PLCL1: variants seen among roughly 807,000 people sequenced by gnomAD.
PLCL1 encodes the protein inactive phospholipase C-like protein 1.
PLCL1 carries 41 observed loss-of-function variants against 84.4 expected under a neutral mutation model. The ratio of observed to expected loss-of-function variants is 0.49; its 90% CI spans 0.38 to 0.63. The LOEUF is 0.63. Ranked by LOEUF, PLCL1 falls within the 30% of genes least tolerant of loss-of-function variation. PLCL1 has a pLI of 0.00. For synonymous variants in PLCL1, 490 were observed against 488.3 expected (o/e 1.00, Z -0.05); for missense variants, 1,206 against 1,367.8 (o/e 0.88, Z 1.87).
At chr2:198,016,725 T>A (rs1014412557) in intron 1 of PLCL1, among the ~76,000 whole-genome samples, 3 of 152,256 alleles carry the variant, frequency 2.0e-5, no homozygotes, top group African/African-American at 7.2e-5. Flanking sequence ...GGCTCAACTT[T>A]GAACGAACTT....
Position 198,101,674 on chromosome 2 carries a change from A to G in PLCL1, c.2995+314A>G, listed in dbSNP as rs183535333. 3.2e-4 allele frequency among the ~76,000 whole-genome samples: 49 copies of G among 152,134 alleles called. No individual in the cohort carries two copies. The South Asian group carries it at 4.8e-3, about 15-fold the overall frequency. On this transcript the variant is annotated intron_variant, in intron 4 of 5. Transcript: ENST00000428675. ...CAAAACCTTCTACTGCTGGTATTGA[A>G]GCTATGGTTCCATACAGTCCCTTAA...
chr2:197,957,042 T>C (rs544167807), intron 1 of PLCL1, among the ~76,000 whole-genome samples: 7 of 152,228 alleles, frequency 4.6e-5, no homozygotes, highest in African/African-American at 9.6e-5. Flanking sequence ...TTTCCCTTCA[T>C]AGGCATTTGC....
intron 1 of PLCL1, among the ~76,000 whole-genome samples, chr2:197,968,939 G>A (rs1336168887): frequency 6.6e-6 from 1 of 152,156 alleles, no homozygotes; most frequent in Non-Finnish European, 1.5e-5. Flanking sequence ...CCCAGACCAC[G>A]GTCTGGTTAG....
At chr2:198,132,597 G>C (rs753715001) in intron 5 of PLCL1, among the ~76,000 whole-genome samples, 3 of 152,120 alleles carry the variant, frequency 2.0e-5, no homozygotes, top group Non-Finnish European at 4.4e-5. Flanking sequence ...AATCTGGATA[G>C]GAAGGATTAG....
intron 1 of PLCL1, among the ~76,000 whole-genome samples, chr2:197,812,163 G>A (rs1275269457): frequency 6.6e-6 from 1 of 152,216 alleles, no homozygotes; most frequent in Non-Finnish European, 1.5e-5. Context: ...TCTTATGGCT[G>A]TGTAGTATTC....
rs775104166 is a variant in PLCL1, at chr2:198,101,373, A to G, written c.2995+13A>G. On this transcript the variant is annotated intron_variant, in intron 4 of 5. Coordinates refer to ENST00000428675, the MANE Select transcript of PLCL1 (RefSeq NM_006226.4). ...TGTCAGAAAGCAGGTAATTGTTTTTAATTTTTTTTTCTGTTTTTTTTTTCT... is the reference window on the plus strand; with the variant it reads ...TGTCAGAAAGCAGGTAATTGTTTTTGATTTTTTTTTCTGTTTTTTTTTTCT... 9.7e-6 allele frequency: 14 copies of G among 1,443,010 alleles called. No homozygotes were observed. The highest frequency in any genetic ancestry group is 1.2e-5 in the Non-Finnish European group (13 of 1,054,726). 89.4% of individuals were successfully genotyped at this position (1,443,010 alleles called of 1,614,324 possible).
At chr2:198,116,503 TGAAAAACGTATGCCCTTG>T (rs1693752630) in intron 5 of PLCL1, among the ~76,000 whole-genome samples, 1 of 151,834 alleles carries the variant, frequency 6.6e-6, no homozygotes, top group African/African-American at 2.4e-5. Context: ...ATAGATTCTT[TGAAAAACGTATGCCCTTG>T]GAGTTTTAAA....
At position 197,978,836 on chromosome 2, in the gene PLCL1, G is replaced by A. The variant is rs369373681; in HGVS notation, c.241-104922G>A. ...CACCATGCAGACACGCCAGTTCACC[G>A]AAGATGCACGTTTTTGGGATGTGGG... On this transcript the variant is annotated intron_variant, in intron 1 of 5. Transcript: ENST00000428675. 2.7e-4 allele frequency among the ~76,000 whole-genome samples: 41 copies of A among 152,276 alleles called. No homozygotes were observed. The East Asian group carries it at 7.0e-3, about 26-fold the overall frequency.
At chr2:197,938,187 A>T (rs1433888422) in intron 1 of PLCL1, among the ~76,000 whole-genome samples, 1 of 152,104 alleles carries the variant, frequency 6.6e-6, no homozygotes, top group Non-Finnish European at 1.5e-5. Context: ...GCCATCTTTG[A>T]CATGTTCTTT....
In PLCL1 at chr2:198,149,438, C is replaced by T. The variant is rs1362701071; in HGVS notation, c.*2476C>T. 6.6e-6 allele frequency: 1 copy of T among 152,134 alleles called. No individual in the cohort carries two copies. Among genetic ancestry groups the T allele is most frequent in the Non-Finnish European group, 1.5e-5 (1 of 68,026 alleles). The allele number at this position is 152,134 out of a possible 1,614,324, so 9.4% of individuals were successfully genotyped here. ...TTACAGGTGAGAAAGCCCAAAGCCA[C>T]TGAGGTAATTAATGGAATAATTGAT... On this transcript the variant is annotated 3_prime_UTR_variant, in exon 6 of 6. Transcript: ENST00000428675.
At chr2:197,916,674 A>G (rs1688606091) in intron 1 of PLCL1, among the ~76,000 whole-genome samples, 1 of 151,926 alleles carries the variant, frequency 6.6e-6, no homozygotes, top group African/African-American at 2.4e-5. Context: ...GGCCAATTCA[A>G]ATTGCATACC....
rs547013361 is a variant in PLCL1 at position 197,966,493 on chromosome 2, T to C, written c.241-117265T>C. 3.3e-5 allele frequency among the ~76,000 whole-genome samples: 5 copies of C among 152,334 alleles called. No individual in the cohort carries two copies. In the South Asian group the frequency reaches 1.0e-3, roughly 32 times the overall value. On this transcript the variant is annotated intron_variant, in intron 1 of 5. Coordinates refer to ENST00000428675, the MANE Select transcript of PLCL1 (RefSeq NM_006226.4). The stretch of plus-strand genomic sequence containing the variant: ...CCTGAATTCACCCTCCATTGAGTTT[T>C]GCCTGTATTGCTTTCTGCTGTGACA...
At chr2:198,082,028 C>A (rs1692725533) in intron 1 of PLCL1, among the ~76,000 whole-genome samples, 1 of 152,146 alleles carries the variant, frequency 6.6e-6, no homozygotes, top group Admixed American at 6.5e-5. Flanking sequence ...AATGAATTAA[C>A]TTCTATATAA....
intron 5 of PLCL1, among the ~76,000 whole-genome samples, chr2:198,109,951 T>G (rs1287875431): frequency 2.0e-5 from 3 of 151,380 alleles, no homozygotes; most frequent in Admixed American, 2.0e-4. Context: ...GAAATATAAT[T>G]AATAAATATT....
intron 1 of PLCL1, among the ~76,000 whole-genome samples, chr2:197,901,223 T>C (rs1217138542): frequency 1.3e-5 from 2 of 152,220 alleles, no homozygotes; most frequent in Non-Finnish European, 2.9e-5. Context: ...ACTTTATTCA[T>C]CATTACTCAG....
chr2:198,116,871 C>A (rs1693760406), intron 5 of PLCL1, among the ~76,000 whole-genome samples: 1 of 151,766 alleles, frequency 6.6e-6, no homozygotes. Context: ...TAGCTAAAGT[C>A]TTTGAGTGTT....
At chr2:198,104,966 G>T (rs1010099011) in intron 5 of PLCL1, among the ~76,000 whole-genome samples, 4 of 151,988 alleles carry the variant, frequency 2.6e-5, no homozygotes, top group Non-Finnish European at 5.9e-5. Flanking sequence ...CTCCCATTCT[G>T]TAGGTTGTCT....
chr2:198,095,458 A>G (rs1693169494), intron 3 of PLCL1, among the ~76,000 whole-genome samples: 1 of 152,204 alleles, frequency 6.6e-6, no homozygotes, highest in African/African-American at 2.4e-5. Context: ...TGGTTACAGA[A>G]AGAGTTACTT....
At chr2:198,026,955 G>A (rs1167122951) in intron 1 of PLCL1, among the ~76,000 whole-genome samples, 1 of 152,080 alleles carries the variant, frequency 6.6e-6, no homozygotes, top group African/African-American at 2.4e-5. Context: ...AAAATAGTAT[G>A]GAGAGTTCTC....
Sources: gnomAD v4.1 joint callset for allele counts (sites outside exome capture counted in the v4.1 genomes callset) on GRCh38, gnomAD v4.1.1 for gene constraint, MANE v1.5 for transcripts, NCBI Gene and HGNC (gene_info 2026-07-23, HGNC 2026-07-21) for gene names.